SGPP2: variants seen among roughly 807,000 people sequenced by gnomAD.
SGPP2 encodes sphingosine 1-phosphate phosphohydrolase 2.
SGPP2 carries 30 observed loss-of-function variants against 33.9 expected under a neutral mutation model. The observed-to-expected ratio is 0.89, with a 90% confidence interval of 0.66 to 1.20. SGPP2 has a LOEUF of 1.20. SGPP2 is among the 50% of genes most tolerant of loss of function. SGPP2 has a pLI of 0.00. For missense variants in SGPP2, 458 were observed against 532.1 expected (o/e 0.86, Z 1.37); for synonymous variants, 233 against 225.0 (o/e 1.04, Z -0.32).
chr2:222,502,467 G>A (rs543946379), intron 2 of SGPP2, among the ~76,000 whole-genome samples: 2 of 152,158 alleles, frequency 1.3e-5, no homozygotes, highest in East Asian at 3.8e-4. Flanking sequence ...TCAGATTTCA[G>A]GATATTTGCA....
intron 2 of SGPP2, among the ~76,000 whole-genome samples, chr2:222,482,206 C>G (rs988742631): frequency 2.6e-5 from 4 of 152,060 alleles, no homozygotes; most frequent in African/African-American, 9.7e-5. Context: ...AAACAGAGAC[C>G]CACTCAAGCT....
At position 222,558,896 on chromosome 2, in the gene SGPP2, T is replaced by TGAGTC; in HGVS notation, c.1199_*3dup. ...GCTTCACAGGTTTCTGGGATTACCCTGAGTCTCAAACAGTTGGAAACTAGC... is the reference window on the plus strand; with the variant it reads ...GCTTCACAGGTTTCTGGGATTACCCTGAGTCGAGTCTCAAACAGTTGGAAACTAGC... On this transcript the variant is annotated frameshift_variant and stop_retained_variant, in exon 5 of 5. Coordinates refer to ENST00000321276, the MANE Select transcript of SGPP2 (RefSeq NM_152386.4). LOFTEE classifies it high-confidence loss of function. 1 of 1,601,972 alleles carries TGAGTC rather than the reference T, an allele frequency of 6.2e-7. No homozygotes were observed. Among genetic ancestry groups the TGAGTC allele is most frequent in the Non-Finnish European group, 8.5e-7 (1 of 1,169,798 alleles).
rs1044763 is a variant in SGPP2 at position 222,562,552 on chromosome 2, T to C, written c.*3654T>C. Reference sequence around the variant, plus strand: ...ACCTTCAGCTGTCTTGCTTATGTACTGTATGTAAATTTATTCTTTTTAAAA... The same window carrying C: ...ACCTTCAGCTGTCTTGCTTATGTACCGTATGTAAATTTATTCTTTTTAAAA... On this transcript the variant is annotated 3_prime_UTR_variant, in exon 5 of 5. Transcript: ENST00000321276. Among the ~76,000 whole-genome samples the C allele has an allele frequency of 0.83, 125,997 of 152,156 alleles. 52,952 individuals are homozygous for C. Among genetic ancestry groups the C allele is most frequent in the East Asian group, 0.97 (5,034 of 5,188 alleles).
At chr2:222,490,653 C>T (rs1000847798) in intron 2 of SGPP2, among the ~76,000 whole-genome samples, 3 of 150,708 alleles carry the variant, frequency 2.0e-5, no homozygotes, top group Non-Finnish European at 2.9e-5. Flanking sequence ...CTATGTTACC[C>T]AGGCTGGTCT....
intron 2 of SGPP2, among the ~76,000 whole-genome samples, chr2:222,500,842 G>A (rs1259590319): frequency 6.6e-6 from 1 of 152,170 alleles, no homozygotes; most frequent in Non-Finnish European, 1.5e-5. Flanking sequence ...TTTGCTCATG[G>A]ACTGCTTCGT....
intron 2 of SGPP2, among the ~76,000 whole-genome samples, chr2:222,519,343 A>G (rs1279016277): frequency 1.3e-5 from 2 of 152,284 alleles, no homozygotes; most frequent in Non-Finnish European, 2.9e-5. Flanking sequence ...TGAGGCTGGT[A>G]CAGCCAGTTC....
rs1689278501 is a variant in SGPP2 at position 222,550,689 on chromosome 2, T to C, written c.649-7658T>C. 6.6e-6 allele frequency among the ~76,000 whole-genome samples: 1 copy of C among 152,236 alleles called. No individual in the cohort carries two copies. Among genetic ancestry groups the C allele is most frequent in the Non-Finnish European group, 1.5e-5 (1 of 68,038 alleles). ...AGGCAGCGTGGTTTTTATCTCATTT[T>C]TGGTGTAAGCAGCATAATATGCTTG... On this transcript the variant is annotated intron_variant, in intron 4 of 4. Transcript: ENST00000321276. The surrounding 1 kb of genome is among the most constrained non-coding windows in gnomAD (Gnocchi z 4.5).
intron 4 of SGPP2, among the ~76,000 whole-genome samples, chr2:222,549,092 GT>G (rs1392684835): frequency 6.6e-6 from 1 of 152,216 alleles, no homozygotes; most frequent in Non-Finnish European, 1.5e-5. Context: ...AGCTTACTCT[GT>G]GAAGGCAGCC....
intron 1 of SGPP2, among the ~76,000 whole-genome samples, chr2:222,473,141 A>G (rs1446801966): frequency 6.6e-6 from 1 of 152,272 alleles, no homozygotes; most frequent in East Asian, 1.9e-4. Context: ...GAAGCAAGAT[A>G]GAGTCAGCCA....
chr2:222,457,904 T>C (rs1017000505), intron 1 of SGPP2, among the ~76,000 whole-genome samples: 2 of 152,162 alleles, frequency 1.3e-5, no homozygotes, highest in African/African-American at 4.8e-5. Flanking sequence ...ATCTAGAGAA[T>C]TGAGCATCTT....
At chr2:222,483,723 A>G (rs1234845354) in intron 2 of SGPP2, among the ~76,000 whole-genome samples, 1 of 152,196 alleles carries the variant, frequency 6.6e-6, no homozygotes, top group Non-Finnish European at 1.5e-5. Flanking sequence ...GACAAGAGGG[A>G]AAAAGCCTGT....
At chr2:222,424,286 C>A (rs1259929921), upstream of SGPP2, among the ~76,000 whole-genome samples, 4 of 151,528 alleles carry the variant, frequency 2.6e-5, no homozygotes, top group Non-Finnish European at 5.9e-5. Flanking sequence ...GGGTTGGGGG[C>A]GCCGGGAGAA....
chr2:222,431,897 CA>C (rs1697163033), intron 1 of SGPP2, among the ~76,000 whole-genome samples: 1 of 152,178 alleles, frequency 6.6e-6, no homozygotes, highest in Non-Finnish European at 1.5e-5. Flanking sequence ...AGCAGTCCAT[CA>C]AGGTCAGCCT....
chr2:222,432,843 G>A (rs186476895), intron 1 of SGPP2, among the ~76,000 whole-genome samples: 307 of 152,236 alleles, frequency 2.0e-3, no homozygotes, highest in Middle Eastern at 0.01. Flanking sequence ...CCAACATGGA[G>A]AAACCCTGTC....
At chr2:222,484,896 C>A (rs1371391664) in intron 2 of SGPP2, among the ~76,000 whole-genome samples, 1 of 152,162 alleles carries the variant, frequency 6.6e-6, no homozygotes, top group East Asian at 1.9e-4. Flanking sequence ...CAAACAAAAT[C>A]TTAATTTTCT....
intron 4 of SGPP2, among the ~76,000 whole-genome samples, chr2:222,557,502 T>C (rs1317461130): frequency 6.6e-6 from 1 of 152,228 alleles, no homozygotes; most frequent in African/African-American, 2.4e-5. Context: ...CTTAGAATTC[T>C]ATTATACATA....
chr2:222,489,763 C>CA (rs1698169414), intron 2 of SGPP2, among the ~76,000 whole-genome samples: 1 of 152,030 alleles, frequency 6.6e-6, no homozygotes, highest in South Asian at 2.1e-4. Flanking sequence ...GTCAGGAGTT[C>CA]AAGACCAGCC....
intron 1 of SGPP2, among the ~76,000 whole-genome samples, chr2:222,440,167 C>T (rs1697302878): frequency 6.6e-6 from 1 of 152,210 alleles, no homozygotes; most frequent in African/African-American, 2.4e-5. Flanking sequence ...GCTTCTGAGC[C>T]TGCTGTGCTG....
At chr2:222,440,645 T>G (rs149148054) in intron 1 of SGPP2, among the ~76,000 whole-genome samples, 31 of 152,294 alleles carry the variant, frequency 2.0e-4, no homozygotes, top group African/African-American at 7.5e-4. Context: ...CTGGCTGTTT[T>G]TTATGTTTTA....
Sources: gnomAD v4.1 joint callset for allele counts (sites outside exome capture counted in the v4.1 genomes callset) on GRCh38, gnomAD v4.1.1 for gene constraint, Gnocchi (gnomAD v3.1) non-coding constraint, MANE v1.5 for transcripts, NCBI Gene and HGNC (gene_info 2026-07-23, HGNC 2026-07-21) for gene names.